EHBP1: variants seen among roughly 807,000 people sequenced by gnomAD.
The protein encoded by EHBP1 is EH domain-binding protein 1.
Under a neutral mutation model 144.0 loss-of-function variants are expected in EHBP1, and 55 were observed. The observed-to-expected ratio is 0.38, with a 90% CI of 0.31 to 0.48. The LOEUF (loss-of-function observed/expected upper bound fraction) is 0.48, where lower values mean the gene tolerates loss of function less well. Ranked by LOEUF, EHBP1 falls within the 20% of genes least tolerant of loss-of-function variation. The pLI, the probability that EHBP1 is intolerant of heterozygous loss-of-function variation, is 0.98. For missense variants in EHBP1, 1,200 were observed against 1,364.2 expected, an observed-to-expected ratio of 0.88 and a Z score of 1.90; for synonymous variants, 469 against 472.7, an observed-to-expected ratio of 0.99 and a Z score of 0.10.
At chr2:62,917,412 G>A (rs1031217579) in intron 10 of EHBP1, among the ~76,000 whole-genome samples, 2 of 152,120 alleles carry the variant, frequency 1.3e-5, no homozygotes, top group African/African-American at 4.8e-5. Flanking sequence ...TATGCAGTAC[G>A]TGACTATGTA....
intron 5 of EHBP1, among the ~76,000 whole-genome samples, chr2:62,806,549 A>G (rs183503407): frequency 6.6e-6 from 1 of 151,548 alleles, no homozygotes; most frequent in Non-Finnish European, 1.5e-5. Flanking sequence ...TTTTTCATAG[A>G]GAGGGTATCT....
intron 7 of EHBP1, among the ~76,000 whole-genome samples, chr2:62,844,322 C>G (rs1234744096): frequency 2.0e-5 from 3 of 152,170 alleles, no homozygotes; most frequent in African/African-American, 7.2e-5. Flanking sequence ...AGATACATAT[C>G]TGGGGACTAG....
rs939857153 is a variant in EHBP1 at position 62,958,446 on chromosome 2, G to A, written c.2460+2786G>A. On this transcript the variant is annotated intron_variant, in intron 14 of 22. Transcript: ENST00000431489. The stretch of plus-strand genomic sequence containing the variant: ...ATGAATCTTGGAGATATTATGCTGC[G>A]AACACAAAAGAGGACATGTATAATT... Among the ~76,000 whole-genome samples, 8 of 152,162 alleles carry A rather than the reference G, an allele frequency of 5.3e-5. No homozygotes were observed. The East Asian group carries it at 7.7e-4, about 15-fold the overall frequency.
At chr2:62,827,145 C>CTGGATT (rs2046396476) in intron 6 of EHBP1, among the ~76,000 whole-genome samples, 1 of 152,170 alleles carries the variant, frequency 6.6e-6, no homozygotes, top group Non-Finnish European at 1.5e-5. Context: ...ACTGATTAGA[C>CTGGATT]TGGATTCTGT....
intron 10 of EHBP1, among the ~76,000 whole-genome samples, chr2:62,908,544 A>C (rs1445049562): frequency 1.3e-5 from 2 of 152,046 alleles, no homozygotes; most frequent in African/African-American, 4.8e-5. Context: ...TTTTTAATAT[A>C]GGTGTTCAGT....
Position 62,901,281 on chromosome 2 carries a change from C to T in EHBP1, c.1185+26749C>T, listed in dbSNP as rs1483903728. Among the ~76,000 whole-genome samples the T allele has an allele frequency of 3.3e-5, 5 of 152,020 alleles. 1 individual carries two copies. Among genetic ancestry groups the T allele is most frequent in the Admixed American group, 3.3e-4 (5 of 15,246 alleles). Reference sequence around the variant, plus strand: ...TATTTTAGTTCTTACTTTAATCTTCCTATTAATGTCTGCTAGTTTGGGTCA... The same window carrying T: ...TATTTTAGTTCTTACTTTAATCTTCTTATTAATGTCTGCTAGTTTGGGTCA... On this transcript the variant is annotated intron_variant, in intron 10 of 22. Coordinates refer to ENST00000431489, the MANE Select transcript of EHBP1 (RefSeq NM_001142616.3).
intron 3 of EHBP1, among the ~76,000 whole-genome samples, chr2:62,747,876 A>G (rs1224813885): frequency 6.6e-6 from 1 of 152,048 alleles, no homozygotes; most frequent in Non-Finnish European, 1.5e-5. Flanking sequence ...AAAGGACTTG[A>G]TAGAGGGAGT....
intron 12 of EHBP1, among the ~76,000 whole-genome samples, chr2:62,946,814 G>GT (rs925927957): frequency 7.9e-5 from 12 of 151,126 alleles, no homozygotes; most frequent in Non-Finnish European, 1.2e-4. Context: ...GTTTTTAAAT[G>GT]TTTTTTTAGT....
At chr2:62,696,699 A>G (rs1291582324) in intron 1 of EHBP1, among the ~76,000 whole-genome samples, 1 of 150,486 alleles carries the variant, frequency 6.6e-6, no homozygotes, top group African/African-American at 2.4e-5. Flanking sequence ...TTGTATTTTT[A>G]GTAGAGACGG....
intron 6 of EHBP1, among the ~76,000 whole-genome samples, chr2:62,828,664 C>G (rs1307586384): frequency 6.6e-6 from 1 of 152,120 alleles, no homozygotes; most frequent in Non-Finnish European, 1.5e-5. Flanking sequence ...CCCTCTTACC[C>G]ACAAACTCAA....
At chr2:63,017,912 C>T (rs1014334832) in intron 19 of EHBP1, among the ~76,000 whole-genome samples, 1 of 152,096 alleles carries the variant, frequency 6.6e-6, no homozygotes, top group Non-Finnish European at 1.5e-5. Flanking sequence ...ACCTGTAATC[C>T]CAGCACTTTG....
intron 2 of EHBP1, among the ~76,000 whole-genome samples, chr2:62,719,342 C>A (rs2035985701): frequency 6.6e-6 from 1 of 152,124 alleles, no homozygotes. Flanking sequence ...GACAACATCA[C>A]TAGTAGATCT....
intron 1 of EHBP1, among the ~76,000 whole-genome samples, chr2:62,683,883 A>G (rs1227938031): frequency 6.6e-6 from 1 of 152,120 alleles, no homozygotes; most frequent in Non-Finnish European, 1.5e-5. Flanking sequence ...TTGCTGTTTT[A>G]TGAACCGAAG....
chr2:62,919,484 C>T (rs1558913864), intron 10 of EHBP1, among the ~76,000 whole-genome samples: 1 of 152,106 alleles, frequency 6.6e-6, no homozygotes, highest in South Asian at 2.1e-4. Flanking sequence ...GTACAGGAAC[C>T]ACCTACAATT....
intron 19 of EHBP1, among the ~76,000 whole-genome samples, chr2:62,997,569 A>G (rs1368409289): frequency 6.6e-6 from 1 of 152,080 alleles, no homozygotes; most frequent in East Asian, 1.9e-4. Flanking sequence ...AAGTCAAAAA[A>G]TACAAGTGGA....
intron 7 of EHBP1, among the ~76,000 whole-genome samples, chr2:62,849,104 T>A (rs1353796020): frequency 6.6e-6 from 1 of 152,130 alleles, no homozygotes; most frequent in Non-Finnish European, 1.5e-5. Flanking sequence ...GCTGGCCTGG[T>A]AAATCACTTT....
chr2:63,007,362 G>T (rs1391807647), intron 19 of EHBP1, among the ~76,000 whole-genome samples: 1 of 151,806 alleles, frequency 6.6e-6, no homozygotes, highest in Non-Finnish European at 1.5e-5. Flanking sequence ...TTAGCAGGTT[G>T]CTTGTTGACT....
intron 12 of EHBP1, among the ~76,000 whole-genome samples, chr2:62,945,254 A>G (rs986042410): frequency 2.0e-5 from 3 of 152,196 alleles, no homozygotes; most frequent in Non-Finnish European, 2.9e-5. Context: ...TAATACTTTC[A>G]TAGGTGTATT....
At chr2:62,832,613 T>C (rs1221231263) in intron 7 of EHBP1, among the ~76,000 whole-genome samples, 2 of 152,078 alleles carry the variant, frequency 1.3e-5, no homozygotes, top group East Asian at 1.9e-4. Context: ...TTTTCATTAT[T>C]ATTATATCTG....
Sources: allele counts gnomAD v4.1 joint callset (sites outside exome capture counted in the v4.1 genomes callset), GRCh38; gene constraint gnomAD v4.1.1; transcripts MANE v1.5; gene names NCBI Gene and HGNC (gene_info 2026-07-23, HGNC 2026-07-21).